FAM111A: variants seen among roughly 807,000 people sequenced by gnomAD.
FAM111A encodes FAM111 trypsin like peptidase A.
FAM111A carries 8 observed loss-of-function variants against 3.3 expected under a neutral mutation model. That is an observed-to-expected ratio of 2.39 (90% CI 1.40 to 4.32). FAM111A has a LOEUF of 4.32. Among genes scored for constraint, FAM111A ranks in the 30% most tolerant of loss-of-function variants. The pLI is 0.00. For missense variants in FAM111A, 683 were observed against 727.6 expected, an observed-to-expected ratio of 0.94 and a Z score of 0.71; for synonymous variants, 227 against 243.1, an observed-to-expected ratio of 0.93 and a Z score of 0.62.
At position 59,153,461 on chromosome 11, in the gene FAM111A, T is replaced by C. The variant is rs1290246559; in HGVS notation, c.1793T>C (p.Val598Ala). 1.2e-6 allele frequency: 2 copies of C among 1,612,598 alleles called. No individual in the cohort carries two copies. The highest frequency in any genetic ancestry group is 2.2e-5 in the East Asian group (1 of 44,888). ...RHKPWYEEVF[V>A]NQQDVEMMSD... The stretch of plus-strand genomic sequence containing the variant: ...AAACCATGGTATGAAGAAGTATTTG[T>C]AAATCAGCAGGATGTAGAAATGATG... Residue 598 changes from valine to alanine, a missense_variant, in exon 6 of 6, where the codon GTA (valine) becomes GCA (alanine). By Grantham distance (64) the Val-to-Ala change is moderately conservative. Around this residue, in one of 3 missense-constraint regions of FAM111A, gnomAD observed 122 missense variants for 110.9 expected, o/e 1.10. Coordinates refer to ENST00000675163, the MANE Select transcript of FAM111A (RefSeq NM_001312909.2).
rs190832656 is a variant in FAM111A, at chr11:59,151,078, T to A, written c.82-672T>A. On this transcript the variant is annotated intron_variant, in intron 5 of 5. Transcript: ENST00000675163. Reference sequence around the variant, plus strand: ...TTTTTTTTGCTGTAATTCATTATTGTCCTCAGGAAATATAAAAATTATATA... The same window carrying A: ...TTTTTTTTGCTGTAATTCATTATTGACCTCAGGAAATATAAAAATTATATA... Among the ~76,000 whole-genome samples the A allele has an allele frequency of 2.6e-3, 393 of 152,324 alleles. 4 individuals are homozygous for A. Among genetic ancestry groups the A allele is most frequent in the African/African-American group, 8.4e-3 (350 of 41,562 alleles).
rs947581123 is a variant in FAM111A, at chr11:59,153,674, C to CACTATGAGATGG, written c.*176_*187dup. ...CACATGAAGAAATTAGTCCTAACAACACTATGAGATGGACTATAACTTGCC... is the reference window on the plus strand; with the variant it reads ...CACATGAAGAAATTAGTCCTAACAACACTATGAGATGGACTATGAGATGGACTATAACTTGCC... On this transcript the variant is annotated 3_prime_UTR_variant, in exon 6 of 6. Transcript: ENST00000675163. The CACTATGAGATGG allele has an allele frequency of 1.1e-4, 65 of 575,042 alleles. No homozygotes were observed. Among genetic ancestry groups the CACTATGAGATGG allele is most frequent in the Admixed American group, 1.8e-4 (5 of 28,386 alleles). 35.6% of individuals were successfully genotyped at this position (575,042 alleles called of 1,614,324 possible).
In FAM111A at chr11:59,153,067, G is replaced by A; in HGVS notation, c.1399G>A (p.Gly467Arg). Residue 467 changes from glycine (G) to arginine (R), a missense_variant, in exon 6 of 6, where the codon GGG becomes AGG. Gly to Arg is a moderately radical substitution (Grantham distance 125, BLOSUM62 -2). Transcript: ENST00000675163. ...TGGAATTACTCCTGTGCCACTTAGT[G>A]GGTTGATACATATTATTGGCCATCC... ...YNGITPVPLS[G>R]LIHIIGHPYG... is the part of the protein sequence containing the mutation. 6.2e-7 allele frequency: 1 copy of A among 1,614,154 alleles called. No individual in the cohort carries two copies. The highest frequency in any genetic ancestry group is 8.5e-7 in the Non-Finnish European group (1 of 1,180,012).
chr11:59,145,880 A>G (rs1860799910), intron 4 of FAM111A, 24 bp downstream of exon 4: 1 of 151,894 alleles, frequency 6.6e-6, no homozygotes. Flanking sequence ...TATTGATAAC[A>G]TTTACATGAC....
intron 4 of FAM111A, 198 bp from the exon 5 acceptor site, chr11:59,148,599 G>A (rs1861241776): frequency 2.6e-6 from 1 of 386,148 alleles, no homozygotes; most frequent in East Asian, 4.4e-5. Flanking sequence ...TTCATAAAGT[G>A]TTTAGTATAA....
rs774693545 is a variant in FAM111A at position 59,152,470 on chromosome 11, G to A, written c.802G>A (p.Val268Ile). 6.2e-7 allele frequency: 1 copy of A among 1,611,662 alleles called. No homozygotes were observed. The highest frequency in any genetic ancestry group is 1.1e-5 in the South Asian group (1 of 91,008). The change falls in exon 6 of 6, where the codon GTT becomes ATT. Residue 268 changes from valine to isoleucine, a missense_variant. Transcript: ENST00000675163. ...AGAAGGCAGATACTTTCAGGTTGAG[G>A]TTGAGAAAAGAATGGTCCCCAGTGC... ...ELEGRYFQVE[V>I]EKRMVPSAAA...
At chr11:59,146,675 C>T (rs1389663091) in intron 4 of FAM111A, among the ~76,000 whole-genome samples, 5 of 152,136 alleles carry the variant, frequency 3.3e-5, no homozygotes, top group Non-Finnish European at 7.3e-5. Context: ...GACTCTTGTT[C>T]CATAGTGGAA....
Position 59,153,259 on chromosome 11 carries a change from AC to A in FAM111A, c.1593del (p.Tyr532MetfsTer67). The A allele has an allele frequency of 6.2e-7, 1 of 1,614,158 alleles. No homozygotes were observed. The highest frequency in any genetic ancestry group is 8.5e-7 in the Non-Finnish European group (1 of 1,180,016). The part of the protein sequence containing the change: ...QKIVHNPDVI[T>X]YDTEFFFGAS... ...AATAGTTCACAACCCTGATGTGATT[AC>A]CTATGACACTGAATTTTTCTTTGGG... On this transcript the variant is annotated frameshift_variant, in exon 6 of 6. Transcript: ENST00000675163. LOFTEE classifies it low-confidence loss of function (END_TRUNC).
At chr11:59,148,987 C>T (rs1861299952) in intron 5 of FAM111A, 34 bp downstream of exon 5, 1 of 1,469,304 alleles carries the variant, frequency 6.8e-7, no homozygotes, top group Admixed American at 1.7e-5. Flanking sequence ...GTAATCTAGT[C>T]ATCCCTTGGT....
chr11:59,148,246 AC>A (rs1861186291), intron 4 of FAM111A: 2 of 152,358 alleles, frequency 1.3e-5, no homozygotes, highest in African/African-American at 4.8e-5. Context: ...AAGGTTTCTG[AC>A]TATCATCCCT....
At chr11:59,144,039 G>A (rs919026507) in intron 3 of FAM111A, 2 of 152,008 alleles carry the variant, frequency 1.3e-5, no homozygotes, top group African/African-American at 4.8e-5. Flanking sequence ...ACTTACAATG[G>A]GACTTCAAAA....
chr11:59,153,583 C>A lies in FAM111A; in HGVS notation c.*79C>A. On this transcript the variant is annotated 3_prime_UTR_variant, in exon 6 of 6. Transcript: ENST00000675163. ...GCATTGAAAATGGTTTTCTAAACTC[C>A]AAAATGGTCATCTTATCAATAATAA... 8 of 1,024,354 alleles carry A rather than the reference C, an allele frequency of 7.8e-6. No homozygotes were observed. Among genetic ancestry groups the A allele is most frequent in the African/African-American group, 1.6e-5 (1 of 61,772 alleles). The allele number at this position is 1,024,354 out of a possible 1,614,324, so 63.5% of individuals were successfully genotyped here.
In FAM111A at chr11:59,152,779, A is replaced by G. The variant is rs143839121; in HGVS notation, c.1111A>G (p.Thr371Ala). ...GGACAGTGCAACTACGGGTTACGCC[A>G]CCTGCTTTGTTTTTAAAGGATTGTT... ...FWDSATTGYA[T>A]CFVFKGLFIL... Residue 371 changes from threonine to alanine, a missense_variant, in exon 6 of 6, where the codon ACC becomes GCC. Transcript: ENST00000675163. The G allele has an allele frequency of 5.9e-4, 958 of 1,614,188 alleles. 11 individuals carry two copies. In the South Asian group the frequency reaches 9.9e-3, roughly 17 times the overall value.
chr11:59,148,670 T>G lies in FAM111A; in HGVS notation c.-76-127T>G, dbSNP rs1861255400. Reference sequence around the variant, plus strand: ...AAGAGAGCTTTTATTGTTAAGGTGATTATAGTTGGTGAATAAACTATCTAT... The same window carrying G: ...AAGAGAGCTTTTATTGTTAAGGTGAGTATAGTTGGTGAATAAACTATCTAT... On this transcript the variant is annotated intron_variant, in intron 4 of 5. Transcript: ENST00000675163. The G allele has an allele frequency of 1.1e-5, 6 of 534,112 alleles. No individual in the cohort carries two copies. In the South Asian group the frequency reaches 1.7e-4, roughly 15 times the overall value. 33.1% of individuals were successfully genotyped at this position (534,112 alleles called of 1,614,324 possible). A position where few individuals can be genotyped will look rare whatever the true frequency, so the allele number is the denominator to read the frequency against.
At chr11:59,145,961 C>G (rs868813328) in intron 4 of FAM111A, 105 bp downstream of exon 4, 97 of 145,254 alleles carry the variant, frequency 6.7e-4, no homozygotes, top group African/African-American at 2.3e-3. Flanking sequence ...CATATGCTCT[C>G]TCTCTCTCTC....
rs895703124 is a variant in FAM111A, at chr11:59,151,676, T to A, written c.82-74T>A. On this transcript the variant is annotated intron_variant, in intron 5 of 5. Transcript: ENST00000675163. ...CAGTTTCTCATAGGAATTTTGTGAA[T>A]TGCATACCTGAAAAGAGAAACAAAA... 5 of 1,139,262 alleles carry A rather than the reference T, an allele frequency of 4.4e-6. No homozygotes were observed. In the African/African-American group the frequency reaches 4.7e-5, roughly 11 times the overall value. 70.6% of individuals were successfully genotyped at this position (1,139,262 alleles called of 1,614,324 possible).
At chr11:59,150,816 CAA>C (rs1427811868) in intron 5 of FAM111A, among the ~76,000 whole-genome samples, 1 of 151,292 alleles carries the variant, frequency 6.6e-6, no homozygotes, top group Non-Finnish European at 1.5e-5. Context: ...GTTTCTCCAT[CAA>C]AAGGATAGAT....
rs753205373 is a variant in FAM111A at position 59,148,818 on chromosome 11, T to C, written c.-55T>C. ...ACAGCTTTGAAGATACTGCTATAAT[T>C]TGAAAATTTGAAATTAGTGTTTCAG... On this transcript the variant is annotated 5_prime_UTR_variant, in exon 5 of 6. Transcript: ENST00000675163. 6 of 1,278,938 alleles carry C rather than the reference T, an allele frequency of 4.7e-6. No homozygotes were observed. The highest frequency in any genetic ancestry group is 4.6e-5 in the East Asian group (2 of 43,086). 79.2% of individuals were successfully genotyped at this position (1,278,938 alleles called of 1,614,324 possible).
intron 5 of FAM111A, among the ~76,000 whole-genome samples, 168 bp from the exon 6 acceptor site, chr11:59,151,582 C>A (rs574851541): frequency 6.6e-6 from 1 of 152,168 alleles, no homozygotes; most frequent in Non-Finnish European, 1.5e-5. Context: ...TAGGAAGCTC[C>A]GCTTTCATTT....
Sources: gnomAD v4.1 joint callset for allele counts (sites outside exome capture counted in the v4.1 genomes callset) on GRCh38, gnomAD v4.1.1 for gene constraint, gnomAD v4.1.1 regional missense constraint, MANE v1.5 for transcripts, NCBI Gene and HGNC (gene_info 2026-07-23, HGNC 2026-07-21) for gene names.